The following NCKAP5 variants were observed in gnomAD, a reference collection of about 807,000 sequenced individuals.
NCKAP5 encodes the protein NCK associated protein 5.
Under a neutral mutation model 167.0 loss-of-function variants are expected in NCKAP5, and 92 were observed. The observed-to-expected ratio is 0.55, with a 90% CI of 0.47 to 0.66. The LOEUF (loss-of-function observed/expected upper bound fraction) is 0.66, where lower values mean the gene tolerates loss of function less well. NCKAP5 is among the 30% of genes least tolerant of loss of function. The pLI is 0.00. For missense variants in NCKAP5, 2,378 were observed against 2,315.0 expected (o/e 1.03, Z -0.56); for synonymous variants, 891 against 877.4 (o/e 1.02, Z -0.27).
chr2:133,433,006 GCT>G (rs1690253433), intron 3 of NCKAP5, among the ~76,000 whole-genome samples: 1 of 152,104 alleles, frequency 6.6e-6, no homozygotes, highest in Non-Finnish European at 1.5e-5. Context: ...CATTTTTATA[GCT>G]CTTGACATAT....
intron 2 of NCKAP5, among the ~76,000 whole-genome samples, chr2:133,552,488 C>G (rs1307990417): frequency 2.7e-5 from 4 of 145,474 alleles, no homozygotes; most frequent in East Asian, 2.2e-4. Flanking sequence ...AGTAAACTAT[C>G]GCAAGAACAA....
chr2:133,112,736 T>C lies in NCKAP5; in HGVS notation c.341+17242A>G, dbSNP rs544524102. ...CCTTCCAAGCCTTTATGTAGACAGATGAGGAGCAGCCATTTGGTTTAATAT... is the reference window on the plus strand; with the variant it reads ...CCTTCCAAGCCTTTATGTAGACAGACGAGGAGCAGCCATTTGGTTTAATAT... On this transcript the variant is annotated intron_variant, in intron 6 of 19. Coordinates refer to ENST00000409261, the MANE Select transcript of NCKAP5 (RefSeq NM_207363.3). Among the ~76,000 whole-genome samples, 6 of 152,302 alleles carry C rather than the reference T, an allele frequency of 3.9e-5. 1 individual carries two copies. In the South Asian group the frequency reaches 1.2e-3, roughly 32 times the overall value.
chr2:133,022,835 A>C (rs1169482959), intron 6 of NCKAP5, among the ~76,000 whole-genome samples: 1 of 152,178 alleles, frequency 6.6e-6, no homozygotes, highest in African/African-American at 2.4e-5. Flanking sequence ...TCAGCCAAAG[A>C]ACCAAGAAGG....
intron 5 of NCKAP5, among the ~76,000 whole-genome samples, chr2:133,200,893 T>C (rs1354511432): frequency 2.0e-5 from 3 of 152,160 alleles, no homozygotes; most frequent in Non-Finnish European, 4.4e-5. Flanking sequence ...AAGCTATAGT[T>C]GTCCCCGCTT....
At chr2:133,110,350 A>G (rs11889923) in intron 6 of NCKAP5, among the ~76,000 whole-genome samples, 2,421 of 152,310 alleles carry the variant, frequency 0.016, 77 homozygotes, top group African/African-American at 0.054. Flanking sequence ...AGGGCCTGGC[A>G]TCAACTAATC....
chr2:132,884,317 A>G (rs979398228), intron 8 of NCKAP5, among the ~76,000 whole-genome samples: 1 of 152,096 alleles, frequency 6.6e-6, no homozygotes, highest in African/African-American at 2.4e-5. Flanking sequence ...TTCTTCACCA[A>G]ACTAAACTGA....
Position 132,932,947 on chromosome 2 carries a change from C to T in NCKAP5, c.579+30773G>A, listed in dbSNP as rs548108040. Among the ~76,000 whole-genome samples, 10 of 120,324 alleles carry T rather than the reference C, an allele frequency of 8.3e-5. No individual in the cohort carries two copies. In the East Asian group the frequency reaches 2.1e-3, roughly 25 times the overall value. The allele number at this position is 120,324 out of a possible 152,430, so 78.9% of individuals were successfully genotyped here. On this transcript the variant is annotated intron_variant, in intron 8 of 19. Coordinates refer to ENST00000409261, the MANE Select transcript of NCKAP5 (RefSeq NM_207363.3). Reference sequence around the variant, plus strand: ...TTTTTTTTTTTTTTTTTTTTTGAGACAGAATCTCGCTTTGTTGCCCAGGCT... The same window carrying T: ...TTTTTTTTTTTTTTTTTTTTTGAGATAGAATCTCGCTTTGTTGCCCAGGCT...
At chr2:132,994,276 G>C in intron 6 of NCKAP5, 37 bp from the exon 7 acceptor site, 2 of 1,455,160 alleles carry the variant, frequency 1.4e-6, no homozygotes, top group Non-Finnish European at 9.3e-7. Flanking sequence ...CTTAAAGAAG[G>C]TTTCTAATTA....
At chr2:132,725,515 T>G in intron 19 of NCKAP5, 112 bp downstream of exon 19, 2 of 1,300,478 alleles carry the variant, frequency 1.5e-6, no homozygotes, top group Admixed American at 3.1e-5. Context: ...AGGAGAGACA[T>G]GAAGAAAAAA....
intron 5 of NCKAP5, among the ~76,000 whole-genome samples, chr2:133,163,455 A>G (rs2083880451): frequency 6.6e-6 from 1 of 152,254 alleles, no homozygotes; most frequent in African/African-American, 2.4e-5. Context: ...TAACTTGTCC[A>G]GAGTTCCCAG....
At chr2:132,949,130 A>C (rs916956289) in intron 8 of NCKAP5, among the ~76,000 whole-genome samples, 15 of 141,670 alleles carry the variant, frequency 1.1e-4, no homozygotes, top group African/African-American at 3.9e-4. Context: ...AAGCTGGTGA[A>C]CTGGTGAGGC....
At chr2:133,444,246 C>T (rs1353575447) in intron 3 of NCKAP5, among the ~76,000 whole-genome samples, 1 of 152,098 alleles carries the variant, frequency 6.6e-6, no homozygotes, top group Non-Finnish European at 1.5e-5. Context: ...GGGAAAGACT[C>T]ACAGCGTCTT....
intron 5 of NCKAP5, among the ~76,000 whole-genome samples, chr2:133,143,568 G>A (rs779890834): frequency 1.3e-5 from 2 of 152,064 alleles, no homozygotes; most frequent in Admixed American, 6.6e-5. Flanking sequence ...CTGATGATAC[G>A]TAAGACAGGG....
At chr2:133,449,660 C>T (rs1477477110) in intron 3 of NCKAP5, among the ~76,000 whole-genome samples, 1 of 152,142 alleles carries the variant, frequency 6.6e-6, no homozygotes, top group African/African-American at 2.4e-5. Context: ...TCTTCAAAAT[C>T]TACAGGCCAA....
intron 3 of NCKAP5, among the ~76,000 whole-genome samples, chr2:133,336,949 G>T (rs1683250810): frequency 6.6e-6 from 1 of 152,140 alleles, no homozygotes; most frequent in Non-Finnish European, 1.5e-5. Flanking sequence ...TTGCCCTCAT[G>T]ATCCTAGGTG....
At chr2:132,895,309 G>A (rs1456940821) in intron 8 of NCKAP5, among the ~76,000 whole-genome samples, 1 of 139,328 alleles carries the variant, frequency 7.2e-6, no homozygotes, top group Non-Finnish European at 1.5e-5. Flanking sequence ...CCAGCCTGGA[G>A]ACTGGAGTCT....
intron 16 of NCKAP5, among the ~76,000 whole-genome samples, chr2:132,766,063 C>T (rs1221868584): frequency 4.0e-5 from 6 of 151,790 alleles, no homozygotes; most frequent in Admixed American, 2.0e-4. Context: ...GGGTGGATCA[C>T]GAGGTAAGGA....
chr2:133,426,262 T>A, intron 3 of NCKAP5, among the ~76,000 whole-genome samples: 1 of 151,436 alleles, frequency 6.6e-6, no homozygotes. Flanking sequence ...GGAGCCAAAC[T>A]TCATCTCAAA....
At chr2:133,673,723 A>T in the NCKAP5 span, among the ~76,000 whole-genome samples, 1 of 152,220 alleles carries the variant, frequency 6.6e-6, no homozygotes, top group Non-Finnish European at 1.5e-5. Flanking sequence ...AGAATTTTGG[A>T]AAGTCTCAGC....
Sources: gnomAD v4.1 joint callset for allele counts (sites outside exome capture counted in the v4.1 genomes callset) on GRCh38, gnomAD v4.1.1 for gene constraint, MANE v1.5 for transcripts, NCBI Gene and HGNC (gene_info 2026-07-23, HGNC 2026-07-21) for gene names.